Variants in PRH1 observed in about 807,000 individuals in gnomAD.
PRH1 encodes the protein salivary acidic proline-rich phosphoprotein 1/2.
Under a neutral mutation model 7.9 loss-of-function variants are expected in PRH1, and 7 were observed. That is an observed-to-expected ratio of 0.89 (90% confidence interval 0.50 to 1.67). The LOEUF (loss-of-function observed/expected upper bound fraction) is 1.67, where lower values mean the gene tolerates loss of function less well. Ranked by LOEUF, PRH1 falls within the 40% of genes most tolerant of loss-of-function variation. The probability of loss-of-function intolerance (pLI) is 0.00; values close to 1 mark genes in which losing one functional copy is unlikely to be tolerated. For missense variants in PRH1, 109 were observed against 223.6 expected, an observed-to-expected ratio of 0.49 and a Z score of 3.27; for synonymous variants, 45 against 80.8, an observed-to-expected ratio of 0.56 and a Z score of 2.38.
chr12:10,950,510 C>T (rs141660047), intron 2 of PRH1, among the ~76,000 whole-genome samples: 25 of 151,604 alleles, frequency 1.6e-4, no homozygotes, highest in East Asian at 1.4e-3. Flanking sequence ...TTTCATTCTA[C>T]GACTCTGATT....
At chr12:10,987,548 G>A (rs921859646) in intron 1 of PRH1, among the ~76,000 whole-genome samples, 1 of 151,858 alleles carries the variant, frequency 6.6e-6, no homozygotes, top group African/African-American at 2.4e-5. Context: ...CAGAAAGAGA[G>A]AGAGAGAGAG....
chr12:10,984,928 A>AT lies in PRH1; in HGVS notation c.-125-11208dup, dbSNP rs774437352. 2.6e-5 allele frequency among the ~76,000 whole-genome samples: 4 copies of AT among 151,996 alleles called. No homozygotes were observed. In the South Asian group the frequency reaches 8.3e-4, roughly 31 times the overall value. On this transcript the variant is annotated intron_variant, in intron 1 of 3. Coordinates refer to the PRH1 transcript ENST00000539853. ...ATTTGCAAAAAGTTTAATTCAAATG[A>AT]TTTTTATAATTTCTATACTATTTTT...
chr12:10,938,537 G>C (rs1428408950), intron 2 of PRH1: 3 of 1,614,024 alleles, frequency 1.9e-6, no homozygotes, highest in East Asian at 2.2e-5. Context: ...GTGGGCTTTG[G>C]TGCTGGCGTC....
At position 11,171,011 on chromosome 12, in the gene PRH1, G is replaced by A. The variant is rs1947819378; in HGVS notation, n.39+411C>T. ...TAGCTTTGGCCCTTACAAATTTTGT[G>A]CCCTACGGCAAGTTACATCTCGCTT... On this transcript the variant is annotated intron_variant and non_coding_transcript_variant, in intron 1 of 1. Transcript: ENST00000541175. Among the ~76,000 whole-genome samples, 3 of 152,222 alleles carry A rather than the reference G, an allele frequency of 2.0e-5. No individual in the cohort carries two copies. In the South Asian group the frequency reaches 6.2e-4, roughly 31 times the overall value.
intron 1 of PRH1, among the ~76,000 whole-genome samples, chr12:11,017,928 A>G (rs1292120257): frequency 6.6e-6 from 1 of 152,184 alleles, no homozygotes; most frequent in Non-Finnish European, 1.5e-5. Context: ...ATGTGTTAAT[A>G]AAGTCCTTTT....
upstream of PRH1, among the ~76,000 whole-genome samples, chr12:10,884,940 T>C (rs1949468114): frequency 6.6e-6 from 1 of 152,176 alleles, no homozygotes; most frequent in Non-Finnish European, 1.5e-5. Flanking sequence ...ATTTGTATTT[T>C]AAAAATATCT....
chr12:10,901,960 G>T (rs931098363), intron 2 of PRH1, among the ~76,000 whole-genome samples: 2 of 152,086 alleles, frequency 1.3e-5, no homozygotes, highest in Non-Finnish European at 2.9e-5. Context: ...AAAAGTGAAT[G>T]TAATGAAATC....
intron 1 of PRH1, among the ~76,000 whole-genome samples, chr12:11,001,812 C>T (rs1244571098): frequency 6.6e-6 from 1 of 152,044 alleles, no homozygotes; most frequent in African/African-American, 2.4e-5. Flanking sequence ...GTACACGTAT[C>T]AAATTTCCAT....
chr12:11,136,450 T>C (rs1236365140), intron 1 of PRH1, among the ~76,000 whole-genome samples: 1 of 152,214 alleles, frequency 6.6e-6, no homozygotes, highest in Non-Finnish European at 1.5e-5. Flanking sequence ...CATATATCAT[T>C]TGATGCAATT....
intron 1 of PRH1, among the ~76,000 whole-genome samples, chr12:11,130,481 C>G (rs774043075): frequency 3.3e-5 from 5 of 150,500 alleles, no homozygotes; most frequent in Non-Finnish European, 7.4e-5. Flanking sequence ...CTCTGACTCA[C>G]GAACGATGTT....
At chr12:10,965,208 T>A (rs1938443840) in intron 2 of PRH1, 1 of 1,484,460 alleles carries the variant, frequency 6.7e-7, no homozygotes, top group Non-Finnish European at 9.1e-7. Context: ...GCCAGAGCAG[T>A]GAGAATTTGG....
intron 2 of PRH1, among the ~76,000 whole-genome samples, chr12:10,923,175 G>A (rs939542646): frequency 6.7e-6 from 1 of 149,614 alleles, no homozygotes; most frequent in Admixed American, 6.7e-5. Context: ...GCCCAGGCTG[G>A]AGTTCAATGG....
upstream of PRH1, among the ~76,000 whole-genome samples, chr12:11,051,229 A>G (rs1049562741): frequency 6.6e-6 from 1 of 152,264 alleles, no homozygotes; most frequent in African/African-American, 2.4e-5. Context: ...GTAGATAATT[A>G]AAACTAGAAG....
At chr12:10,989,621 C>G (rs1486883525) in intron 1 of PRH1, among the ~76,000 whole-genome samples, 2 of 152,082 alleles carry the variant, frequency 1.3e-5, no homozygotes, top group South Asian at 2.1e-4. Flanking sequence ...AAAAAGACAC[C>G]ACCACTTTAT....
intron 1 of PRH1, among the ~76,000 whole-genome samples, chr12:11,126,207 A>G (rs1041260909): frequency 1.3e-5 from 2 of 152,270 alleles, no homozygotes; most frequent in East Asian, 1.9e-4. Flanking sequence ...CTTCTTGTTG[A>G]TATCATTTCC....
intron 1 of PRH1, chr12:11,061,517 C>A: frequency 6.2e-7 from 1 of 1,614,122 alleles, no homozygotes; most frequent in Non-Finnish European, 8.5e-7. Context: ...AACATGAAGA[C>A]AGGTTTGTTT....
intron 1 of PRH1, among the ~76,000 whole-genome samples, chr12:11,059,114 G>A: frequency 6.6e-6 from 1 of 152,172 alleles, no homozygotes; most frequent in African/African-American, 2.4e-5. Context: ...AATGGCCAAT[G>A]GGAAATCAAA....
rs58271062 is a variant in PRH1, at chr12:11,068,972, G to C, written n.124-21784C>G. Among the ~76,000 whole-genome samples, 4 of 120,538 alleles carry C rather than the reference G, an allele frequency of 3.3e-5. 1 individual carries two copies. Among genetic ancestry groups the C allele is most frequent in the Non-Finnish European group, 7.3e-5 (4 of 54,486 alleles). 79.1% of individuals were successfully genotyped at this position (120,538 alleles called of 152,430 possible). On this transcript the variant is annotated intron_variant and non_coding_transcript_variant, in intron 1 of 4. Transcript: ENST00000541977. ...GCCCCAACTGGAGTGCAGTGGTTTC[G>C]GATTGGCTCACTGCTCTCCACTGCT...
chr12:10,908,627 G>T (rs1949843146), intron 2 of PRH1: 1 of 1,613,880 alleles, frequency 6.2e-7, no homozygotes, highest in South Asian at 1.1e-5. Flanking sequence ...TATGGACCTT[G>T]GTCCTGGGGT....
Sources: allele counts gnomAD v4.1 joint callset (sites outside exome capture counted in the v4.1 genomes callset), GRCh38; gene constraint gnomAD v4.1.1; transcripts MANE v1.5; gene names NCBI Gene and HGNC (gene_info 2026-07-23, HGNC 2026-07-21).